The following LINGO2 variants were observed in gnomAD, a reference collection of about 807,000 sequenced individuals.
LINGO2 encodes the protein leucine rich repeat and Ig domain containing 2.
A neutral mutation model predicts 30.6 loss-of-function variants in LINGO2; 14 were observed. That is an observed-to-expected ratio of 0.46 (90% CI 0.30 to 0.72). The LOEUF is 0.72. Among genes scored for constraint, LINGO2 ranks in the 30% least tolerant of loss-of-function variants. The probability of loss-of-function intolerance (pLI) is 0.07; values close to 1 mark genes in which losing one functional copy is unlikely to be tolerated. For missense variants in LINGO2, 729 were observed against 751.7 expected (o/e 0.97, Z 0.35); for synonymous variants, 317 against 288.5 (o/e 1.10, Z -1.00).
At chr9:29,041,781 A>C in the LINGO2 span, among the ~76,000 whole-genome samples, 1 of 152,026 alleles carries the variant, frequency 6.6e-6, no homozygotes. Flanking sequence ...AGGATCAATA[A>C]ATGAAAACAT....
intron 1 of LINGO2, among the ~76,000 whole-genome samples, chr9:28,493,233 G>A (rs898789234): frequency 1.3e-5 from 2 of 152,114 alleles, no homozygotes; most frequent in African/African-American, 4.8e-5. Flanking sequence ...TTGTCCTAAA[G>A]GGAATCCCTT....
the LINGO2 span, among the ~76,000 whole-genome samples, chr9:28,898,589 T>A: frequency 6.6e-6 from 1 of 152,198 alleles, no homozygotes; most frequent in South Asian, 2.1e-4. Context: ...CGACCCCTTT[T>A]TTTTTAAAAT....
chr9:28,955,928 C>A, the LINGO2 span, among the ~76,000 whole-genome samples: 1 of 152,042 alleles, frequency 6.6e-6, no homozygotes, highest in African/African-American at 2.4e-5. Flanking sequence ...CGACCATGCC[C>A]AGCCCCACCT....
chr9:27,940,451 A>G, the LINGO2 span: 2 of 152,218 alleles, frequency 1.3e-5, no homozygotes, highest in South Asian at 2.1e-4. Flanking sequence ...TGGCAGAAAT[A>G]GTAGGTAAAT....
the LINGO2 span, among the ~76,000 whole-genome samples, chr9:29,004,777 A>C: frequency 4.6e-5 from 7 of 151,728 alleles, no homozygotes; most frequent in Non-Finnish European, 8.8e-5. Flanking sequence ...CACACACACA[A>C]AACATCAAGA....
At chr9:28,527,578 A>G (rs536992000) in intron 1 of LINGO2, among the ~76,000 whole-genome samples, 14 of 152,250 alleles carry the variant, frequency 9.2e-5, no homozygotes, top group African/African-American at 2.9e-4. Context: ...AGTGTCAAGG[A>G]AAACAACCCA....
At chr9:28,300,497 C>CACATTCTTG (rs1217735369) in intron 3 of LINGO2, among the ~76,000 whole-genome samples, 1 of 151,974 alleles carries the variant, frequency 6.6e-6, no homozygotes, top group East Asian at 1.9e-4. Flanking sequence ...TAAAATAGGC[C>CACATTCTTG]ACATTCTTGT....
At chr9:28,557,273 C>A (rs1312339333) in intron 1 of LINGO2, among the ~76,000 whole-genome samples, 1 of 151,828 alleles carries the variant, frequency 6.6e-6, no homozygotes, top group Non-Finnish European at 1.5e-5. Context: ...TATCCAGAAT[C>A]TACAATGAAC....
At chr9:28,882,677 G>A in the LINGO2 span, among the ~76,000 whole-genome samples, 13 of 152,062 alleles carry the variant, frequency 8.5e-5, no homozygotes, top group African/African-American at 2.9e-4. Context: ...AGTCTTGGTT[G>A]TCTGTCATTG....
intron 3 of LINGO2, among the ~76,000 whole-genome samples, chr9:28,365,518 A>T (rs7851678): frequency 0.6 from 91,805 of 151,836 alleles, 28,784 homozygotes; most frequent in African/African-American, 0.76. Flanking sequence ...CACGTTCCTA[A>T]CCTGGAATGA....
the LINGO2 span, among the ~76,000 whole-genome samples, chr9:28,978,059 T>C: frequency 6.6e-6 from 1 of 152,158 alleles, no homozygotes; most frequent in Non-Finnish European, 1.5e-5. Context: ...AAAGAAAAGT[T>C]ATATTGATGT....
intron 1 of LINGO2, among the ~76,000 whole-genome samples, chr9:28,664,120 G>C (rs560538555): frequency 1.0e-3 from 152 of 152,080 alleles, no homozygotes; most frequent in African/African-American, 3.5e-3. Context: ...ATTATAAGTT[G>C]GTTTTGATGC....
At chr9:28,827,037 T>C in the LINGO2 span, among the ~76,000 whole-genome samples, 2 of 152,204 alleles carry the variant, frequency 1.3e-5, no homozygotes, top group African/African-American at 2.4e-5. Flanking sequence ...ACCATTGGTT[T>C]TGTGAATAGT....
intron 3 of LINGO2, among the ~76,000 whole-genome samples, chr9:28,339,330 C>T (rs892465240): frequency 1.3e-5 from 2 of 151,970 alleles, no homozygotes; most frequent in African/African-American, 2.4e-5. Flanking sequence ...TTTTAATTTC[C>T]AAAAAACTAT....
At chr9:28,016,838 C>G (rs1822866854) in intron 4 of LINGO2, among the ~76,000 whole-genome samples, 1 of 151,992 alleles carries the variant, frequency 6.6e-6, no homozygotes, top group African/African-American at 2.4e-5. Flanking sequence ...TCGACTCATT[C>G]TATCAAATCA....
At chr9:28,616,433 T>A (rs914763139) in intron 1 of LINGO2, among the ~76,000 whole-genome samples, 1 of 152,196 alleles carries the variant, frequency 6.6e-6, no homozygotes, top group Non-Finnish European at 1.5e-5. Flanking sequence ...ATTGAAGTGA[T>A]GTGTCTGAAG....
chr9:27,951,375 TG>T (rs1340017201), intron 5 of LINGO2, among the ~76,000 whole-genome samples: 2 of 152,206 alleles, frequency 1.3e-5, no homozygotes, highest in Non-Finnish European at 2.9e-5. Context: ...AAAGTATCCC[TG>T]TATTGTTTTT....
intron 3 of LINGO2, among the ~76,000 whole-genome samples, chr9:28,314,284 A>T (rs1824752210): frequency 6.6e-6 from 1 of 152,202 alleles, no homozygotes; most frequent in Admixed American, 6.5e-5. Context: ...TGTGGCATGA[A>T]ATACTACACT....
chr9:28,159,838 G>T (rs1028202573), intron 4 of LINGO2, among the ~76,000 whole-genome samples: 4 of 152,098 alleles, frequency 2.6e-5, no homozygotes, highest in African/African-American at 9.7e-5. Context: ...ATTGAATATA[G>T]TTCCTTTGCC....
Sources: allele counts gnomAD v4.1 joint callset (sites outside exome capture counted in the v4.1 genomes callset), GRCh38; gene constraint gnomAD v4.1.1; transcripts MANE v1.5; gene names NCBI Gene and HGNC (gene_info 2026-07-23, HGNC 2026-07-21).